Variants in SLC4A1AP observed in about 807,000 individuals in gnomAD.
The protein encoded by SLC4A1AP is kanadaptin.
Under a neutral mutation model 89.7 loss-of-function variants are expected in SLC4A1AP, and 64 were observed. The ratio of observed to expected loss-of-function variants is 0.71; its 90% confidence interval spans 0.58 to 0.88. SLC4A1AP has a LOEUF of 0.88. Ranked by LOEUF, SLC4A1AP falls within the 40% of genes least tolerant of loss-of-function variation. The pLI is 0.00. For synonymous variants in SLC4A1AP, 366 were observed against 353.3 expected (o/e 1.04, Z -0.40); for missense variants, 931 against 965.0 (o/e 0.96, Z 0.47).
At chr2:27,679,378 G>A (rs1167114796) in intron 8 of SLC4A1AP, among the ~76,000 whole-genome samples, 5 of 152,150 alleles carry the variant, frequency 3.3e-5, no homozygotes, top group African/African-American at 1.2e-4. Context: ...TGAGCTGGGC[G>A]GATCACGAGG....
At chr2:27,691,214 A>C (rs868727436) in intron 12 of SLC4A1AP, among the ~76,000 whole-genome samples, 23 of 151,832 alleles carry the variant, frequency 1.5e-4, no homozygotes, top group Non-Finnish European at 2.6e-4. Flanking sequence ...TACTGACTCA[A>C]TCTCACTGCT....
intron 6 of SLC4A1AP, among the ~76,000 whole-genome samples, chr2:27,675,995 G>A (rs970623768): frequency 6.6e-6 from 1 of 152,172 alleles, no homozygotes; most frequent in African/African-American, 2.4e-5. Context: ...AAGTTAGGGC[G>A]TTCTGAGGTG....
chr2:27,690,564 C>T (rs957382816), intron 12 of SLC4A1AP, among the ~76,000 whole-genome samples: 8 of 152,116 alleles, frequency 5.3e-5, no homozygotes, highest in African/African-American at 1.7e-4. Flanking sequence ...TGGCTCACTG[C>T]AAGCTTCAAT....
At chr2:27,687,987 A>G (rs746729357) in exon 11 of SLC4A1AP, 3 of 1,614,068 alleles carry the variant, frequency 1.9e-6, no homozygotes, top group Non-Finnish European at 2.5e-6. Context: ...TCAAGACTGT[A>G]GCAAAACCAC....
chr2:27,688,797 A>G, intron 12 of SLC4A1AP, 30 bp downstream of exon 12: 1 of 1,534,328 alleles, frequency 6.5e-7, no homozygotes, highest in Non-Finnish European at 8.9e-7. Context: ...GGGAGTAAAA[A>G]TGAATCCCTT....
At chr2:27,677,708 C>A in intron 7 of SLC4A1AP, 30 bp from the exon 8 acceptor site, 9 of 1,527,680 alleles carry the variant, frequency 5.9e-6, no homozygotes, top group Non-Finnish European at 7.9e-6. Flanking sequence ...GATCATCTTT[C>A]TAAACATGTG....
chr2:27,673,990 T>TTG (rs56759152), intron 5 of SLC4A1AP, among the ~76,000 whole-genome samples: 2,480 of 148,606 alleles, frequency 0.017, 19 homozygotes, highest in Middle Eastern at 0.048. Context: ...CATATACAAG[T>TTG]TGTGTGTGTG....
At chr2:27,681,746 T>C (rs188157311) in intron 8 of SLC4A1AP, among the ~76,000 whole-genome samples, 9 of 152,306 alleles carry the variant, frequency 5.9e-5, no homozygotes, top group African/African-American at 2.2e-4. Flanking sequence ...GGCTCAGCAG[T>C]TGCAGTCTCT....
chr2:27,688,593 T>G lies in SLC4A1AP; in HGVS notation c.2204-107T>G. 3 of 736,216 alleles carry G rather than the reference T, an allele frequency of 4.1e-6. No homozygotes were observed. In the East Asian group the frequency reaches 8.1e-5, roughly 20 times the overall value. The allele number at this position is 736,216 out of a possible 1,614,324, so 45.6% of individuals were successfully genotyped here. On this transcript the variant is annotated intron_variant, in intron 11 of 13. Coordinates refer to ENST00000613058, the Ensembl canonical transcript of SLC4A1AP. ...GGAATTGTTGAGAATTGCATTGTCA[T>G]GAGCATCTTTTCTTCAATAATTGTA...
In SLC4A1AP at chr2:27,667,395, G is replaced by A. The variant is rs370816726; in HGVS notation, c.1144+5G>A. The stretch of plus-strand genomic sequence containing the variant: ...AAGGCTTTTTTGACCGAGAAGGTAT[G>A]TAAACAGATTCTGACCCTACCACTA... On this transcript the variant is annotated splice_donor_5th_base_variant and intron_variant, in intron 3 of 13. Coordinates refer to ENST00000613058, the Ensembl canonical transcript of SLC4A1AP. 170 of 1,610,758 alleles carry A rather than the reference G, an allele frequency of 1.1e-4. No individual in the cohort carries two copies. The highest frequency in any genetic ancestry group is 1.3e-4 in the Non-Finnish European group (149 of 1,178,818).
chr2:27,685,301 G>A (rs1572995749), intron 10 of SLC4A1AP, 24 bp downstream of exon 10: 2 of 1,584,344 alleles, frequency 1.3e-6, no homozygotes, highest in Admixed American at 1.9e-5. Context: ...TCTCCTTCCT[G>A]TGTTGTTCAG....
chr2:27,672,721 A>G (rs968958367), intron 5 of SLC4A1AP, among the ~76,000 whole-genome samples: 1 of 152,188 alleles, frequency 6.6e-6, no homozygotes, highest in African/African-American at 2.4e-5. Context: ...TGGAATATAT[A>G]GGTGGGGTTT....
chr2:27,683,172 A>G (rs1675648045), intron 9 of SLC4A1AP, among the ~76,000 whole-genome samples: 1 of 152,234 alleles, frequency 6.6e-6, no homozygotes, highest in South Asian at 2.1e-4. Context: ...GCGTTATGTA[A>G]CTAAGCTGGT....
At chr2:27,666,080 C>G (rs968913863) in intron 2 of SLC4A1AP, among the ~76,000 whole-genome samples, 1 of 152,070 alleles carries the variant, frequency 6.6e-6, no homozygotes, top group African/African-American at 2.4e-5. Context: ...CACTGAATTT[C>G]AAAGACTTAG....
At chr2:27,687,272 A>G (rs1675717800) in intron 10 of SLC4A1AP, among the ~76,000 whole-genome samples, 2 of 152,110 alleles carry the variant, frequency 1.3e-5, no homozygotes, top group African/African-American at 4.8e-5. Context: ...AATTTTTGCT[A>G]TTACAAACAT....
intron 9 of SLC4A1AP, among the ~76,000 whole-genome samples, chr2:27,684,063 A>G (rs1490355502): frequency 6.6e-6 from 1 of 152,158 alleles, no homozygotes; most frequent in African/African-American, 2.4e-5. Flanking sequence ...GTGGGGACTT[A>G]GGTTTTAAAT....
At chr2:27,688,557 C>T (rs1454609306) in intron 11 of SLC4A1AP, 143 bp from the exon 12 acceptor site, 1 of 593,122 alleles carries the variant, frequency 1.7e-6, no homozygotes, top group Admixed American at 3.5e-5. Context: ...ATAGTTTTTA[C>T]AGCAGTAGAA....
intron 6 of SLC4A1AP, among the ~76,000 whole-genome samples, chr2:27,676,120 G>A (rs1168556758): frequency 6.6e-6 from 1 of 152,192 alleles, no homozygotes; most frequent in Non-Finnish European, 1.5e-5. Flanking sequence ...ACAAGGTGAC[G>A]TGTTAATGGG....
At chr2:27,666,359 A>ACCCACCCCCCCCCCCCC (rs1675320653) in intron 2 of SLC4A1AP, among the ~76,000 whole-genome samples, 1 of 3,360 alleles carries the variant, frequency 3.0e-4, no homozygotes, top group Non-Finnish European at 9.0e-4. Context: ...TCCACCCCCC[A>ACCCACCCCCCCCCCCCC]CCCCCCCCCC....
Sources: allele counts gnomAD v4.1 joint callset (sites outside exome capture counted in the v4.1 genomes callset), GRCh38; gene constraint gnomAD v4.1.1; transcripts MANE v1.5; gene names NCBI Gene and HGNC (gene_info 2026-07-23, HGNC 2026-07-21).